HEATR1: variants seen among roughly 807,000 people sequenced by gnomAD.
The protein encoded by HEATR1 is HEAT repeat containing 1, also known as HEAT repeat-containing protein 1.
A neutral mutation model predicts 248.2 loss-of-function variants in HEATR1; 77 were observed. The ratio of observed to expected loss-of-function variants is 0.31; its 90% CI spans 0.26 to 0.37. The LOEUF (loss-of-function observed/expected upper bound fraction) is 0.37. Among genes scored for constraint, HEATR1 ranks in the 10% least tolerant of loss-of-function variants. HEATR1 has a pLI of 1.00. For missense variants in HEATR1, 2,420 were observed against 2,504.9 expected, an observed-to-expected ratio of 0.97 and a Z score of 0.72; for synonymous variants, 897 against 923.1, an observed-to-expected ratio of 0.97 and a Z score of 0.51.
At chr1:236,598,762 C>T (rs915082983) in intron 4 of HEATR1, among the ~76,000 whole-genome samples, 1 of 152,194 alleles carries the variant, frequency 6.6e-6, no homozygotes, top group African/African-American at 2.4e-5. Context: ...GCCTCGTGAT[C>T]TGTTAGCTTA....
intron 9 of HEATR1, among the ~76,000 whole-genome samples, chr1:236,593,534 T>C (rs554415439): frequency 1.4e-5 from 2 of 143,614 alleles, no homozygotes; most frequent in African/African-American, 5.2e-5. Context: ...TACACCTATG[T>C]CTGACCACAA....
At chr1:236,596,343 G>C (rs1664177476) in intron 6 of HEATR1, among the ~76,000 whole-genome samples, 1 of 152,176 alleles carries the variant, frequency 6.6e-6, no homozygotes, top group African/African-American at 2.4e-5. Flanking sequence ...ACTTATAGTA[G>C]GGAGACCTCA....
In HEATR1 at chr1:236,598,017, C is replaced by A. The variant is rs374821677; in HGVS notation, c.502-38G>T. Reference sequence around the variant, plus strand: ...GAAAGAACAAACTACTAGCAACATTCATCAACTGATCCTTATTTTAAAGCA... The same window carrying A: ...GAAAGAACAAACTACTAGCAACATTAATCAACTGATCCTTATTTTAAAGCA... On this transcript the variant is annotated intron_variant, in intron 4 of 44. Coordinates refer to ENST00000366582, the MANE Select transcript of HEATR1 (RefSeq NM_018072.6). 24 of 1,283,662 alleles carry A rather than the reference C, an allele frequency of 1.9e-5. No individual in the cohort carries two copies. In the African/African-American group the frequency reaches 3.5e-4, roughly 19 times the overall value. 79.5% of individuals were successfully genotyped at this position (1,283,662 alleles called of 1,614,324 possible). A position where few individuals can be genotyped will look rare whatever the true frequency, so the allele number is the denominator to read the frequency against.
intron 25 of HEATR1, 41 bp from the exon 26 acceptor site, chr1:236,572,595 TATC>T: frequency 6.2e-7 from 1 of 1,611,224 alleles, no homozygotes; most frequent in African/African-American, 1.3e-5. Context: ...AAGCAAACTC[TATC>T]ATGTGCTAAG....
In HEATR1 at chr1:236,556,097, A is replaced by G; in HGVS notation, c.5514+3T>C. 6.2e-7 allele frequency: 1 copy of G among 1,614,186 alleles called. No homozygotes were observed. The highest frequency in any genetic ancestry group is 8.5e-7 in the Non-Finnish European group (1 of 1,180,034). On this transcript the variant is annotated splice_donor_region_variant and intron_variant, in intron 38 of 44. Transcript: ENST00000366582. ...AAAGTCTTAATACCCAATAAGATCT[A>G]ACCTTCCAGTTCTTCTCAATCTGCT...
chr1:236,576,655 T>C, intron 21 of HEATR1, 125 bp downstream of exon 21: 1 of 840,422 alleles, frequency 1.2e-6, no homozygotes, highest in Admixed American at 2.9e-5. Flanking sequence ...TATTGACCTA[T>C]CAGTTCCTAA....
chr1:236,573,949 G>T (rs990719592), intron 24 of HEATR1: 11 of 271,588 alleles, frequency 4.1e-5, no homozygotes, highest in Admixed American at 2.1e-4. Flanking sequence ...ATATGAGAAA[G>T]ATCACACACA....
At chr1:236,582,973 C>T in intron 18 of HEATR1, 40 bp downstream of exon 18, 1 of 1,608,088 alleles carries the variant, frequency 6.2e-7, no homozygotes, top group Non-Finnish European at 8.5e-7. Context: ...TTCAGTTTTG[C>T]AGAGTATCAC....
chr1:236,585,002 T>C (rs1663845420), intron 17 of HEATR1, 23 bp downstream of exon 17: 2 of 1,591,596 alleles, frequency 1.3e-6, no homozygotes, highest in East Asian at 4.5e-5. Context: ...CATCCCACTT[T>C]CTGGAGATTC....
intron 19 of HEATR1, among the ~76,000 whole-genome samples, chr1:236,582,141 G>A (rs760103861): frequency 6.6e-5 from 10 of 151,996 alleles, no homozygotes; most frequent in Non-Finnish European, 8.8e-5. Context: ...GTCTCGCTCT[G>A]TCGCCCAGGC....
At chr1:236,576,628 G>T (rs1663567629) in intron 21 of HEATR1, 152 bp downstream of exon 21, 1 of 699,758 alleles carries the variant, frequency 1.4e-6, no homozygotes, top group African/African-American at 1.8e-5. Context: ...AAAAGTAGGG[G>T]GACACAGATG....
chr1:236,592,301 T>C (rs1337411666), intron 10 of HEATR1, among the ~76,000 whole-genome samples, 191 bp from the exon 11 acceptor site: 3 of 152,162 alleles, frequency 2.0e-5, no homozygotes, highest in Non-Finnish European at 2.9e-5. Flanking sequence ...AATAACAAAA[T>C]AGTCTCTCTA....
chr1:236,583,267 G>C, intron 17 of HEATR1, 71 bp from the exon 18 acceptor site: 1 of 1,310,332 alleles, frequency 7.6e-7, no homozygotes, highest in Admixed American at 2.3e-5. Flanking sequence ...GAATTCCTCT[G>C]CATAATATGC....
chr1:236,590,903 C>G lies in HEATR1; in HGVS notation c.1474G>C (p.Ala492Pro), dbSNP rs144502500. The G allele has an allele frequency of 7.6e-4, 1,151 of 1,521,340 alleles. 4 individuals carry two copies. The highest frequency in any genetic ancestry group is 9.8e-4 in the Non-Finnish European group (1,108 of 1,124,968). 94.2% of individuals were successfully genotyped at this position (1,521,340 alleles called of 1,614,324 possible). The change falls in exon 12 of 45, where the codon GCT becomes CCT. Residue 492 changes from alanine (A) to proline (P), a missense_variant. Physicochemically the swap from Ala to Pro is conservative, Grantham distance 27. Transcript: ENST00000366582. Reference protein sequence around the residue: ...SLMLSLNHPLAPVRILAMNHL... With the variant: ...SLMLSLNHPLPPVRILAMNHL... ...TTCATGGCCAGAATTCTCACAGGAG[C>G]AAGTGGATGATTCAGGCTGAGCATC...
At chr1:236,554,459 A>C in intron 42 of HEATR1, 139 bp downstream of exon 42, 2 of 733,880 alleles carry the variant, frequency 2.7e-6, no homozygotes, top group Non-Finnish European at 4.5e-6. Flanking sequence ...TTTCAAATAA[A>C]ACATTTCATT....
intron 3 of HEATR1, among the ~76,000 whole-genome samples, chr1:236,599,829 T>C (rs902203183): frequency 1.3e-5 from 2 of 152,250 alleles, no homozygotes; most frequent in African/African-American, 4.8e-5. Context: ...AGCCAATTCC[T>C]ATGCAATATC....
At chr1:236,589,836 A>G (rs1021326332) in intron 12 of HEATR1, among the ~76,000 whole-genome samples, 3 of 152,246 alleles carry the variant, frequency 2.0e-5, no homozygotes, top group African/African-American at 7.2e-5. Flanking sequence ...TAAAATGCAT[A>G]TACAATTAGC....
At position 236,549,011 on chromosome 1, in the gene HEATR1, T is replaced by C; in HGVS notation, c.*1891A>G. On this transcript the variant is annotated 3_prime_UTR_variant, in exon 45 of 45. Transcript: ENST00000366582. ...CAGGAAGAGGCAAGATGCATTCAAT[T>C]TGAAAGATATTTATGGGCAACAAAG... The C allele has an allele frequency of 2.5e-6, 1 of 398,566 alleles. No individual in the cohort carries two copies. Among genetic ancestry groups the C allele is most frequent in the Non-Finnish European group, 4.4e-6 (1 of 226,042 alleles). The allele number at this position is 398,566 out of a possible 1,614,324, so 24.7% of individuals were successfully genotyped here.
chr1:236,581,401 T>C lies in HEATR1; in HGVS notation c.2576A>G (p.Asp859Gly). 1 of 1,524,986 alleles carries C rather than the reference T, an allele frequency of 6.6e-7. No homozygotes were observed. The highest frequency in any genetic ancestry group is 8.8e-7 in the Non-Finnish European group (1 of 1,141,150). 94.5% of individuals were successfully genotyped at this position (1,524,986 alleles called of 1,614,324 possible). A position where few individuals can be genotyped will look rare whatever the true frequency, so the allele number is the denominator to read the frequency against. The change falls in exon 20 of 45, where the codon GAT (aspartate) becomes GGT (glycine). Residue 859 changes from aspartate (D) to glycine (G), a missense_variant. Coordinates refer to ENST00000366582, the MANE Select transcript of HEATR1 (RefSeq NM_018072.6). Reference sequence around the variant, plus strand: ...ACAGAACTTGAATAACTGAAAAACATCTTCTAGATGCACCTAATTAAAAAA... The same window carrying C: ...ACAGAACTTGAATAACTGAAAAACACCTTCTAGATGCACCTAATTAAAAAA... ...MKLFIKVHLEDVFQLFKFCSV... is the reference protein window; with the variant it reads ...MKLFIKVHLEGVFQLFKFCSV...
Sources: allele counts gnomAD v4.1 joint callset (sites outside exome capture counted in the v4.1 genomes callset), GRCh38; gene constraint gnomAD v4.1.1; transcripts MANE v1.5; gene names NCBI Gene and HGNC (gene_info 2026-07-23, HGNC 2026-07-21).